Variants in PCNX2 observed in about 807,000 individuals in gnomAD.
The protein encoded by PCNX2 is pecanex-like protein 2.
In PCNX2, 168 loss-of-function variants were observed where a neutral mutation model predicts 223.8. That is an observed-to-expected ratio of 0.75 (90% CI 0.66 to 0.85). The LOEUF (loss-of-function observed/expected upper bound fraction) is 0.85, where lower values mean the gene tolerates loss of function less well. PCNX2 is among the 40% of genes least tolerant of loss of function. PCNX2 has a pLI of 0.00. For missense variants in PCNX2, 2,507 were observed against 2,675.5 expected (o/e 0.94, Z 1.39); for synonymous variants, 1,006 against 1,052.6 (o/e 0.96, Z 0.86).
chr1:233,239,140 T>C (rs1191460240), intron 8 of PCNX2, among the ~76,000 whole-genome samples: 1 of 152,140 alleles, frequency 6.6e-6, no homozygotes, highest in South Asian at 2.1e-4. Context: ...AACAAAAGAT[T>C]AAGCTAACTA....
At position 233,000,496 on chromosome 1, in the gene PCNX2, C is replaced by A; in HGVS notation, c.5137G>T (p.Val1713Phe). 6.2e-7 allele frequency: 1 copy of A among 1,603,114 alleles called. No homozygotes were observed. Among genetic ancestry groups the A allele is most frequent in the South Asian group, 1.1e-5 (1 of 89,526 alleles). The change falls in exon 30 of 34, where the codon GTC becomes TTC. Residue 1713 changes from valine (V) to phenylalanine (F), a missense_variant. Val to Phe is a conservative substitution (Grantham distance 50). This residue lies in a region of PCNX2 where 1,372 missense variants were observed against 1,509.4 expected (regional missense o/e 0.91). Coordinates refer to ENST00000258229, the MANE Select transcript of PCNX2 (RefSeq NM_014801.4). This position sits in a 1 kb window ranked among gnomAD's most constrained non-coding sequence, Gnocchi z 4.6. ...TCPDEYEDPA[V>F]LYEAIQSFEK... ...AAGGACTGGATGGCCTCGTAGAGGACTGCTGGGTCTTCATACTCGTCAGGG... is the reference window on the plus strand; with the variant it reads ...AAGGACTGGATGGCCTCGTAGAGGAATGCTGGGTCTTCATACTCGTCAGGG...
intron 1 of PCNX2, among the ~76,000 whole-genome samples, chr1:233,263,486 C>T (rs1182663593): frequency 1.4e-5 from 2 of 141,856 alleles, no homozygotes; most frequent in Non-Finnish European, 3.0e-5. Flanking sequence ...GACAGTGTCT[C>T]ACTGTATCAC....
At chr1:233,269,472 C>T (rs12133439) in intron 1 of PCNX2, among the ~76,000 whole-genome samples, 1 of 152,054 alleles carries the variant, frequency 6.6e-6, no homozygotes, top group Non-Finnish European at 1.5e-5. Context: ...AGGCACTTCT[C>T]CAATTATTTT....
At chr1:233,305,507 G>A in the PCNX2 span, among the ~76,000 whole-genome samples, 1 of 152,134 alleles carries the variant, frequency 6.6e-6, no homozygotes, top group East Asian at 1.9e-4. Flanking sequence ...GTGAAGTGGT[G>A]CAATTATGGC....
rs561012631 is a variant in PCNX2, at chr1:233,188,988, C to T, written c.3067-9813G>A. Among the ~76,000 whole-genome samples the T allele has an allele frequency of 2.6e-5, 4 of 152,336 alleles. No homozygotes were observed. In the South Asian group the frequency reaches 8.3e-4, roughly 32 times the overall value. On this transcript the variant is annotated intron_variant, in intron 15 of 33. Coordinates refer to ENST00000258229, the MANE Select transcript of PCNX2 (RefSeq NM_014801.4). ...CCACATTCAAGGGGAGGAAATTGTA[C>T]AAGGCATGTATGCCAGGGGATAGGA...
intron 21 of PCNX2, among the ~76,000 whole-genome samples, chr1:233,111,842 A>C (rs1675134418): frequency 6.6e-6 from 1 of 152,212 alleles, no homozygotes; most frequent in South Asian, 2.1e-4. Flanking sequence ...TATTTCAGTT[A>C]ATGCTTTTCA....
intron 24 of PCNX2, among the ~76,000 whole-genome samples, chr1:233,055,694 A>G (rs1403880301): frequency 1.3e-5 from 2 of 152,162 alleles, no homozygotes; most frequent in African/African-American, 4.8e-5. Flanking sequence ...GGCTCTGGAA[A>G]GCCATAGGCA....
At chr1:233,079,247 G>A (rs555922375) in intron 23 of PCNX2, among the ~76,000 whole-genome samples, 32 of 152,250 alleles carry the variant, frequency 2.1e-4, no homozygotes, top group Non-Finnish European at 4.0e-4. Flanking sequence ...AAAGGTGGCC[G>A]GGTGTGGTGG....
intron 9 of PCNX2, among the ~76,000 whole-genome samples, chr1:233,235,127 T>C (rs75991266): frequency 0.014 from 2,176 of 151,970 alleles, 49 homozygotes; most frequent in African/African-American, 0.048. Flanking sequence ...TTAGGAATCC[T>C]ATCCCTAACA....
intron 28 of PCNX2, 146 bp downstream of exon 28, chr1:233,014,519 C>G: frequency 1.6e-6 from 1 of 641,542 alleles, no homozygotes. Flanking sequence ...TTCATGTAGG[C>G]CCAATATAAT....
chr1:233,001,504 A>G lies in PCNX2; in HGVS notation c.5097+33T>C, dbSNP rs538203264. 8.6e-7 allele frequency: 1 copy of G among 1,169,076 alleles called. No homozygotes were observed. Among genetic ancestry groups the G allele is most frequent in the South Asian group, 3.1e-5 (1 of 32,566 alleles). 72.4% of individuals were successfully genotyped at this position (1,169,076 alleles called of 1,614,324 possible). A position where few individuals can be genotyped will look rare whatever the true frequency, so the allele number is the denominator to read the frequency against. ...CATAAATAAATAAATAAATAAATAA[A>G]TAAATAAATAAATAAATAAAATAGG... is the stretch of plus-strand genomic sequence containing the variant. On this transcript the variant is annotated intron_variant, in intron 29 of 33. Transcript: ENST00000258229. The surrounding 1 kb of genome is among the most constrained non-coding windows in gnomAD (Gnocchi z 4.2).
At position 233,122,647 on chromosome 1, in the gene PCNX2, C is replaced by T. The variant is rs899939329; in HGVS notation, c.3837+12366G>A. Reference sequence around the variant, plus strand: ...CAAGCAATCCTCCTGCCTCAGCCTCCCAAGTAGCTGGGATTACAGGTGGCC... The same window carrying T: ...CAAGCAATCCTCCTGCCTCAGCCTCTCAAGTAGCTGGGATTACAGGTGGCC... On this transcript the variant is annotated intron_variant, in intron 21 of 33. Transcript: ENST00000258229. Among the ~76,000 whole-genome samples, 11 of 151,988 alleles carry T rather than the reference C, an allele frequency of 7.2e-5. No homozygotes were observed. The East Asian group carries it at 2.1e-3, about 29-fold the overall frequency.
At chr1:233,031,862 G>A in intron 25 of PCNX2, 2 of 983,082 alleles carry the variant, frequency 2.0e-6, no homozygotes, top group Non-Finnish European at 2.4e-6. Context: ...TCCCTCTGGT[G>A]AAGATGTATA....
At position 233,201,155 on chromosome 1, in the gene PCNX2, A is replaced by G. The variant is rs115092218; in HGVS notation, c.2864-891T>C. 9.5e-3 allele frequency among the ~76,000 whole-genome samples: 1,438 copies of G among 151,610 alleles called. 21 individuals carry two copies. The highest frequency in any genetic ancestry group is 0.032 in the African/African-American group (1,341 of 41,314). On this transcript the variant is annotated intron_variant, in intron 13 of 33. Coordinates refer to ENST00000258229, the MANE Select transcript of PCNX2 (RefSeq NM_014801.4). ...AGTTGGTTAAAATTCACTATGGAAC[A>G]AAGTACTGAGGAACTGTTCCAAGTC...
chr1:233,250,787 C>T lies in PCNX2; in HGVS notation c.2174G>A (p.Gly725Asp). Reference sequence around the variant, plus strand: ...ATTTGATGGTAGAGGCTGTAAAGGGCCTTCTTTCTGATTTCCAGATTTTAA... The same window carrying T: ...ATTTGATGGTAGAGGCTGTAAAGGGTCTTCTTTCTGATTTCCAGATTTTAA... ...CYLKSGNQKE[G>D]PLQPLPSNND... Residue 725 changes from glycine to aspartate, a missense_variant, in exon 8 of 34, where the codon GGC (glycine) becomes GAC (aspartate). Coordinates refer to ENST00000258229, the MANE Select transcript of PCNX2 (RefSeq NM_014801.4). The T allele has an allele frequency of 6.2e-7, 1 of 1,606,064 alleles. No individual in the cohort carries two copies. Among genetic ancestry groups the T allele is most frequent in the East Asian group, 2.2e-5 (1 of 44,676 alleles).
intron 9 of PCNX2, among the ~76,000 whole-genome samples, chr1:233,232,011 C>T (rs1317056775): frequency 6.6e-6 from 1 of 152,114 alleles, no homozygotes; most frequent in Non-Finnish European, 1.5e-5. Flanking sequence ...TAGCCCAGTG[C>T]CATGCACATA....
At chr1:233,026,353 AAGT>A (rs776281728) in intron 25 of PCNX2, among the ~76,000 whole-genome samples, 2 of 152,206 alleles carry the variant, frequency 1.3e-5, no homozygotes, top group East Asian at 3.8e-4. Flanking sequence ...ACAAGTGGGA[AAGT>A]AGTAGATGAA....
At chr1:233,115,351 T>C (rs1044117029) in intron 21 of PCNX2, among the ~76,000 whole-genome samples, 1 of 151,620 alleles carries the variant, frequency 6.6e-6, no homozygotes, top group African/African-American at 2.4e-5. Context: ...TCCCAGATAA[T>C]AGCGCTACAA....
Position 233,095,793 on chromosome 1 carries a change from G to T in PCNX2, c.3908C>A (p.Ser1303Tyr). Residue 1303 changes from serine to tyrosine, a missense_variant, in exon 22 of 34, where the codon TCT becomes TAT. Ser to Tyr is a moderately radical substitution (Grantham distance 144). This residue lies in a region of PCNX2 where 1,372 missense variants were observed against 1,509.4 expected (regional missense o/e 0.91). Transcript: ENST00000258229. ...YVAPWQMAWGSSFHVFAQLFA... is the reference protein window; with the variant it reads ...YVAPWQMAWGYSFHVFAQLFA... ...GAGCTGAGCAAACACGTGAAACGAAGAACCCCAAGCCATCTGCCAAGGAGC... is the reference window on the plus strand; with the variant it reads ...GAGCTGAGCAAACACGTGAAACGAATAACCCCAAGCCATCTGCCAAGGAGC... 1 of 1,612,194 alleles carries T rather than the reference G, an allele frequency of 6.2e-7. No individual in the cohort carries two copies. Among genetic ancestry groups the T allele is most frequent in the South Asian group, 1.1e-5 (1 of 90,564 alleles).
Sources: allele counts gnomAD v4.1 joint callset (sites outside exome capture counted in the v4.1 genomes callset), GRCh38; gene constraint gnomAD v4.1.1; regional missense constraint gnomAD v4.1.1; non-coding constraint Gnocchi (gnomAD v3.1); transcripts MANE v1.5; gene names NCBI Gene and HGNC (gene_info 2026-07-23, HGNC 2026-07-21).